The following DHX29 variants were observed in gnomAD, a reference collection of about 807,000 sequenced individuals.
DHX29 encodes the protein ATP-dependent RNA helicase DHX29.
DHX29 carries 79 observed loss-of-function variants against 167.9 expected under a neutral mutation model. The observed-to-expected ratio is 0.47, with a 90% confidence interval of 0.39 to 0.57. DHX29 has a LOEUF of 0.57. Among genes scored for constraint, DHX29 ranks in the 20% least tolerant of loss-of-function variants. DHX29 has a pLI of 0.00. For missense variants in DHX29, 1,347 were observed against 1,593.4 expected (o/e 0.85, Z 2.63); for synonymous variants, 530 against 546.0 (o/e 0.97, Z 0.41).
Position 55,307,544 on chromosome 5 carries a change from A to G in DHX29, c.30T>C (p.Ala10=), listed in dbSNP as rs1748947025. The stretch of plus-strand genomic sequence containing the variant: ...CGGCCCGGACCACCGCGGCCGCTGG[A>G]GCCTTGTGTTTCTTGTTCTTGCCGC... MGGKNKKHK[A]PAAAVVRAAV... is the part of the protein sequence containing the mutation. The change falls in exon 1 of 27, where the codon GCT becomes GCC. Residue 10 remains alanine (A), a synonymous_variant. Transcript: ENST00000251636. 6.2e-7 allele frequency: 1 copy of G among 1,613,574 alleles called. No homozygotes were observed. The highest frequency in any genetic ancestry group is 8.5e-7 in the Non-Finnish European group (1 of 1,179,964).
chr5:55,283,947 T>C (rs1053584225), intron 10 of DHX29, 136 bp from the exon 11 acceptor site: 7 of 605,550 alleles, frequency 1.2e-5, no homozygotes, highest in African/African-American at 9.3e-5. Context: ...AATATATGTA[T>C]GTGTATGATG....
intron 9 of DHX29, 30 bp downstream of exon 9, chr5:55,285,666 A>C (rs766172562): frequency 7.2e-6 from 11 of 1,529,676 alleles, no homozygotes; most frequent in African/African-American, 1.4e-5. Flanking sequence ...TCATTCAGTT[A>C]ATTAAAAACA....
intron 1 of DHX29, among the ~76,000 whole-genome samples, chr5:55,299,036 C>CAAAAAAAAAA (rs35986300): frequency 1.3e-5 from 1 of 76,164 alleles, no homozygotes; most frequent in Non-Finnish European, 2.7e-5. Context: ...GACTCCGTCT[C>CAAAAAAAAAA]AAAAAAAAAA....
chr5:55,267,380 TAAG>T (rs1746632559), intron 22 of DHX29, 149 bp from the exon 23 acceptor site: 4 of 632,002 alleles, frequency 6.3e-6, no homozygotes, highest in Non-Finnish European at 1.1e-5. Context: ...CAATTGTATA[TAAG>T]AATATTATTA....
chr5:55,257,225 C>T (rs970797512), intron 26 of DHX29, among the ~76,000 whole-genome samples: 1 of 152,162 alleles, frequency 6.6e-6, no homozygotes, highest in African/African-American at 2.4e-5. Flanking sequence ...AACCTCACAA[C>T]CACTCTTTAG....
chr5:55,297,002 G>A (rs2111962947), intron 3 of DHX29, among the ~76,000 whole-genome samples: 1 of 152,208 alleles, frequency 6.6e-6, no homozygotes, highest in Non-Finnish European at 1.5e-5. Flanking sequence ...TAGGACTGTT[G>A]TGTCAGAGAA....
rs1561177955 is a variant in DHX29, at chr5:55,307,375, G to GA, written c.187+11dup. 1 of 1,608,792 alleles carries GA rather than the reference G, an allele frequency of 6.2e-7. No individual in the cohort carries two copies. Among genetic ancestry groups the GA allele is most frequent in the South Asian group, 1.1e-5 (1 of 90,910 alleles). On this transcript the variant is annotated intron_variant, in intron 1 of 26. Transcript: ENST00000251636. ...CAGGGCAGACAGCCAGGGGCTGGGG[G>GA]ACCTCTCGTACCTTGCTTGACACGG...
intron 1 of DHX29, among the ~76,000 whole-genome samples, chr5:55,303,516 G>A (rs961702141): frequency 3.9e-5 from 6 of 152,184 alleles, no homozygotes; most frequent in African/African-American, 7.2e-5. Flanking sequence ...TGCCAGGGCC[G>A]CCTGACTAAT....
chr5:55,259,805 C>CATAGGTAT, intron 26 of DHX29, 43 bp downstream of exon 26: 1 of 1,149,396 alleles, frequency 8.7e-7, no homozygotes. Context: ...TGTACACATA[C>CATAGGTAT]ACATATGTGT....
Position 55,261,402 on chromosome 5 carries a change from C to T in DHX29, c.3926G>A (p.Arg1309His), listed in dbSNP as rs755075998. 1.3e-5 allele frequency: 20 copies of T among 1,578,090 alleles called. No individual in the cohort carries two copies. Among genetic ancestry groups the T allele is most frequent in the South Asian group, 3.4e-5 (3 of 89,542 alleles). ...GATCCAGCCATCAATAGAAAGAAGA[C>T]GTTCTCGGTGCTGAACTTCTATATC... ...GGDIEVQHRERLLSIDGWIYF... is the reference protein window; with the variant it reads ...GGDIEVQHREHLLSIDGWIYF... The change falls in exon 25 of 27, where the codon CGT (arginine) becomes CAT (histidine). Residue 1309 changes from arginine to histidine, a missense_variant. By Grantham distance (29) the Arg-to-His change is conservative. Transcript: ENST00000251636.
chr5:55,269,844 G>A (rs1030905122), intron 20 of DHX29, among the ~76,000 whole-genome samples: 2 of 151,796 alleles, frequency 1.3e-5, no homozygotes, highest in Admixed American at 1.3e-4. Flanking sequence ...TGTTTGGGTG[G>A]GGAGGGAATA....
At chr5:55,285,232 T>C (rs1747656487) in intron 10 of DHX29, 61 bp downstream of exon 10, 2 of 1,572,070 alleles carry the variant, frequency 1.3e-6, no homozygotes, top group African/African-American at 1.4e-5. Context: ...AAAGAGAAAA[T>C]TGAACCATAA....
At chr5:55,271,989 G>A (rs981603200) in intron 18 of DHX29, 98 bp downstream of exon 18, 2 of 690,048 alleles carry the variant, frequency 2.9e-6, no homozygotes, top group African/African-American at 3.7e-5. Flanking sequence ...GGACATTTAG[G>A]ATTTTCCCTA....
chr5:55,288,505 GT>G (rs1383807494), intron 8 of DHX29, among the ~76,000 whole-genome samples: 1 of 151,348 alleles, frequency 6.6e-6, no homozygotes, highest in African/African-American at 2.4e-5. Context: ...AGACCATTCA[GT>G]CTGGTCTTCT....
chr5:55,273,033 C>G (rs1048974602), intron 17 of DHX29, among the ~76,000 whole-genome samples: 2 of 152,164 alleles, frequency 1.3e-5, no homozygotes, highest in African/African-American at 4.8e-5. Flanking sequence ...CCTCAACAGG[C>G]AACATCCATA....
At chr5:55,286,536 C>G (rs1174410132) in intron 8 of DHX29, among the ~76,000 whole-genome samples, 6 of 152,140 alleles carry the variant, frequency 3.9e-5, no homozygotes. Flanking sequence ...TGTCTGCCAC[C>G]GGCACCAGCA....
At chr5:55,284,871 T>A (rs1351306122) in intron 10 of DHX29, among the ~76,000 whole-genome samples, 9 of 152,164 alleles carry the variant, frequency 5.9e-5, no homozygotes, top group African/African-American at 2.2e-4. Context: ...TCTATACAAC[T>A]TTTTTAAAAA....
chr5:55,297,222 CAT>C lies in DHX29; in HGVS notation c.375+61_375+62del. On this transcript the variant is annotated intron_variant, in intron 3 of 26. Coordinates refer to ENST00000251636, the MANE Select transcript of DHX29 (RefSeq NM_019030.4). ...AAGTTGTAAAGCCATTTTTATCTCA[CAT>C]GAGGAGCTGTCTAAAAATGCTTCAC... is the stretch of plus-strand genomic sequence containing the variant. 3 of 744,308 alleles carry C rather than the reference CAT, an allele frequency of 4.0e-6. No individual in the cohort carries two copies. The South Asian group carries it at 4.7e-5, about 12-fold the overall frequency. The allele number at this position is 744,308 out of a possible 1,614,324, so 46.1% of individuals were successfully genotyped here. A position where few individuals can be genotyped will look rare whatever the true frequency, so the allele number is the denominator to read the frequency against.
In DHX29 at chr5:55,274,750, T is replaced by C; in HGVS notation, c.2573-19A>G. ...CTTTTATCTGAAATTTTTAAAAAGA[T>C]ACAATATTCAAAATAAGAAGATAAG... On this transcript the variant is annotated intron_variant, in intron 15 of 26. Coordinates refer to ENST00000251636, the MANE Select transcript of DHX29 (RefSeq NM_019030.4). 6.4e-7 allele frequency: 1 copy of C among 1,572,164 alleles called. No homozygotes were observed. Among genetic ancestry groups the C allele is most frequent in the Non-Finnish European group, 8.6e-7 (1 of 1,162,600 alleles).
Sources: gnomAD v4.1 joint callset for allele counts (sites outside exome capture counted in the v4.1 genomes callset) on GRCh38, gnomAD v4.1.1 for gene constraint, MANE v1.5 for transcripts, NCBI Gene and HGNC (gene_info 2026-07-23, HGNC 2026-07-21) for gene names.